Variants in SGCD observed in about 807,000 individuals in gnomAD.
The protein encoded by SGCD is delta-sarcoglycan.
Under a neutral mutation model 36.6 loss-of-function variants are expected in SGCD, and 18 were observed. The ratio of observed to expected loss-of-function variants is 0.49; its 90% CI spans 0.34 to 0.73. The LOEUF (loss-of-function observed/expected upper bound fraction) is 0.73, where lower values mean the gene tolerates loss of function less well. Ranked by LOEUF, SGCD falls within the 30% of genes least tolerant of loss-of-function variation. The pLI is 0.01. For synonymous variants in SGCD, 133 were observed against 130.6 expected, an observed-to-expected ratio of 1.02 and a Z score of -0.12; for missense variants, 387 against 346.7, an observed-to-expected ratio of 1.12 and a Z score of -0.92.
At chr5:155,945,057 AATAG>A (rs1453913486) in intron 1 of SGCD, among the ~76,000 whole-genome samples, 1 of 152,222 alleles carries the variant, frequency 6.6e-6, no homozygotes, top group Non-Finnish European at 1.5e-5. Context: ...CACATCAACA[AATAG>A]ATAGAAGTTA....
intron 3 of SGCD, among the ~76,000 whole-genome samples, chr5:156,348,334 C>G (rs767575850): frequency 6.6e-6 from 1 of 152,120 alleles, no homozygotes; most frequent in Non-Finnish European, 1.5e-5. Flanking sequence ...TTGCCGATTA[C>G]ATGAGCATAT....
chr5:156,689,682 C>T (rs916053198), intron 7 of SGCD, among the ~76,000 whole-genome samples: 1 of 152,122 alleles, frequency 6.6e-6, no homozygotes, highest in Non-Finnish European at 1.5e-5. Flanking sequence ...TGTTTGTTGG[C>T]AATTGGTTGA....
At chr5:156,358,897 T>A (rs918793227) in intron 3 of SGCD, among the ~76,000 whole-genome samples, 2 of 151,806 alleles carry the variant, frequency 1.3e-5, no homozygotes, top group African/African-American at 4.8e-5. Flanking sequence ...TGGTGGTGGG[T>A]GGGGAGACAG....
At chr5:155,861,623 C>G in the SGCD span, among the ~76,000 whole-genome samples, 1 of 152,136 alleles carries the variant, frequency 6.6e-6, no homozygotes. Flanking sequence ...GAGGTTGAGG[C>G]AGGAGAATCT....
At chr5:156,424,751 C>T (rs1403163139) in intron 3 of SGCD, among the ~76,000 whole-genome samples, 6 of 152,138 alleles carry the variant, frequency 3.9e-5, no homozygotes, top group South Asian at 2.1e-4. Context: ...AGCAAAAGGA[C>T]GCTAAGCACA....
At chr5:155,871,242 G>T (rs1276939611) in intron 1 of SGCD, among the ~76,000 whole-genome samples, 1 of 152,118 alleles carries the variant, frequency 6.6e-6, no homozygotes, top group Non-Finnish European at 1.5e-5. Flanking sequence ...GGATCAAAAG[G>T]ATTTTAATGT....
intron 1 of SGCD, among the ~76,000 whole-genome samples, chr5:155,918,533 A>T (rs984950672): frequency 6.6e-6 from 1 of 152,258 alleles, no homozygotes; most frequent in Non-Finnish European, 1.5e-5. Context: ...ATTGCACTGT[A>T]GCCTGGGGGA....
intron 1 of SGCD, among the ~76,000 whole-genome samples, chr5:156,116,364 G>T (rs908200890): frequency 6.6e-6 from 1 of 151,956 alleles, no homozygotes; most frequent in African/African-American, 2.4e-5. Context: ...ATGTGGCCAA[G>T]CTCACAGACT....
chr5:156,036,322 C>A (rs1759495212), intron 1 of SGCD, among the ~76,000 whole-genome samples: 1 of 152,096 alleles, frequency 6.6e-6, no homozygotes, highest in South Asian at 2.1e-4. Context: ...TTTTTAAAGG[C>A]AGGGGTACAT....
At chr5:156,265,921 C>T (rs1035588648) in intron 3 of SGCD, among the ~76,000 whole-genome samples, 2 of 152,048 alleles carry the variant, frequency 1.3e-5, no homozygotes, top group Non-Finnish European at 2.9e-5. Flanking sequence ...TCAGAGAGAT[C>T]TCTAATAAAT....
intron 3 of SGCD, among the ~76,000 whole-genome samples, chr5:156,430,942 G>A (rs546395265): frequency 5.3e-4 from 81 of 152,266 alleles, no homozygotes; most frequent in African/African-American, 1.8e-3. Flanking sequence ...TTGACCAAAC[G>A]ATGATTCAGG....
chr5:155,750,581 A>G, the SGCD span, among the ~76,000 whole-genome samples: 1 of 152,248 alleles, frequency 6.6e-6, no homozygotes, highest in South Asian at 2.1e-4. Flanking sequence ...GTCTGTATTT[A>G]TAGAACAGCA....
the SGCD span, among the ~76,000 whole-genome samples, chr5:155,744,108 A>G: frequency 6.6e-6 from 1 of 152,190 alleles, no homozygotes; most frequent in Non-Finnish European, 1.5e-5. Flanking sequence ...ACAGACTTCA[A>G]CTTCTAAGAT....
intron 3 of SGCD, among the ~76,000 whole-genome samples, chr5:156,444,089 TCTCTC>T: frequency 8.7e-6 from 1 of 115,360 alleles, no homozygotes; most frequent in South Asian, 3.3e-4. Context: ...TCTCTCTCTC[TCTCTC>T]TCTCTCTCTC....
intron 1 of SGCD, among the ~76,000 whole-genome samples, chr5:156,086,241 G>T (rs967026398): frequency 5.9e-5 from 9 of 152,208 alleles, no homozygotes; most frequent in Admixed American, 4.6e-4. Context: ...TTGGGAAAAG[G>T]ATAGTCTACT....
chr5:156,524,132 A>AC (rs1424060618), intron 4 of SGCD, among the ~76,000 whole-genome samples: 1 of 95,506 alleles, frequency 1.0e-5, no homozygotes, highest in South Asian at 3.4e-4. Flanking sequence ...ATATATATAT[A>AC]TATATATATA....
At chr5:156,405,089 CAG>C (rs1772337983) in intron 3 of SGCD, among the ~76,000 whole-genome samples, 1 of 152,218 alleles carries the variant, frequency 6.6e-6, no homozygotes, top group Admixed American at 6.5e-5. Context: ...CTAAGAAAAT[CAG>C]AGAGTGGACA....
At chr5:156,475,251 A>G (rs762852846) in intron 3 of SGCD, among the ~76,000 whole-genome samples, 10 of 152,098 alleles carry the variant, frequency 6.6e-5, no homozygotes. Context: ...TGTGCCCACA[A>G]ATCAGTCTTT....
intron 7 of SGCD, among the ~76,000 whole-genome samples, chr5:156,679,944 A>G (rs1361749494): frequency 6.6e-6 from 1 of 152,210 alleles, no homozygotes; most frequent in Non-Finnish European, 1.5e-5. Context: ...TCTCAAACAA[A>G]GAGAATTCCT....
Sources: gnomAD v4.1 joint callset for allele counts (sites outside exome capture counted in the v4.1 genomes callset) on GRCh38, gnomAD v4.1.1 for gene constraint, MANE v1.5 for transcripts, NCBI Gene and HGNC (gene_info 2026-07-23, HGNC 2026-07-21) for gene names.